The following VAT1L variants were observed in gnomAD, a reference collection of about 807,000 sequenced individuals.
VAT1L encodes putative NADPH-dependent quinone oxidoreductase VAT1L.
VAT1L carries 34 observed loss-of-function variants against 44.1 expected under a neutral mutation model. That is an observed-to-expected ratio of 0.77 (90% CI 0.59 to 1.03). The LOEUF (loss-of-function observed/expected upper bound fraction) is 1.03, where lower values mean the gene tolerates loss of function less well. Among genes scored for constraint, VAT1L ranks in the 50% least tolerant of loss-of-function variants. VAT1L has a pLI of 0.00. For synonymous variants in VAT1L, 253 were observed against 202.2 expected (o/e 1.25, Z -2.13); for missense variants, 615 against 538.8 (o/e 1.14, Z -1.40).
At chr16:77,818,179 C>G (rs2016388075) in intron 2 of VAT1L, among the ~76,000 whole-genome samples, 1 of 152,106 alleles carries the variant, frequency 6.6e-6, no homozygotes, top group African/African-American at 2.4e-5. Flanking sequence ...AAAGAAGAAT[C>G]CTATAAAATG....
chr16:77,904,507 G>A (rs2017419935), intron 7 of VAT1L, among the ~76,000 whole-genome samples: 1 of 152,074 alleles, frequency 6.6e-6, no homozygotes, highest in African/African-American at 2.4e-5. Flanking sequence ...TCCTCACGCG[G>A]TCCCCACTCT....
chr16:77,978,724 T>A lies in VAT1L; in HGVS notation c.*1029T>A, dbSNP rs1422775952. On this transcript the variant is annotated 3_prime_UTR_variant, in exon 9 of 9. Coordinates refer to ENST00000302536, the MANE Select transcript of VAT1L (RefSeq NM_020927.3). ...TTTATATTCAGCATCTGATGTCAGA[T>A]GTACAGTTCCTCCCCTCCCATATAT... 2 of 152,200 alleles carry A rather than the reference T, an allele frequency of 1.3e-5. No homozygotes were observed. The highest frequency in any genetic ancestry group is 1.9e-4 in the East Asian group (1 of 5,198). 9.4% of individuals were successfully genotyped at this position (152,200 alleles called of 1,614,324 possible). A position where few individuals can be genotyped will look rare whatever the true frequency, so the allele number is the denominator to read the frequency against.
intron 4 of VAT1L, among the ~76,000 whole-genome samples, chr16:77,874,839 TAAAA>T (rs769810512): frequency 9.1e-5 from 8 of 87,708 alleles, no homozygotes; most frequent in African/African-American, 1.6e-4. Flanking sequence ...AATTAATTTG[TAAAA>T]AAAAAAAAAA....
intron 3 of VAT1L, 99 bp from the exon 4 acceptor site, chr16:77,862,646 AAGT>A: frequency 9.2e-7 from 1 of 1,084,346 alleles, no homozygotes; most frequent in Non-Finnish European, 1.3e-6. Context: ...AAAAAAAAAA[AAGT>A]CAATAGTGCC....
At position 77,978,965 on chromosome 16, in the gene VAT1L, CACAA is replaced by C. The variant is rs1427229721; in HGVS notation, c.*1276_*1279del. On this transcript the variant is annotated 3_prime_UTR_variant, in exon 9 of 9. Transcript: ENST00000302536. The stretch of plus-strand genomic sequence containing the variant: ...TTGGCTAAAATGCTTAACTATCACT[CACAA>C]ACAAATGTGGAGATACCAGGAGCTC... The C allele has an allele frequency of 6.6e-6, 1 of 152,198 alleles. No homozygotes were observed. The highest frequency in any genetic ancestry group is 2.4e-5 in the African/African-American group (1 of 41,446). 9.4% of individuals were successfully genotyped at this position (152,198 alleles called of 1,614,324 possible).
Position 77,788,587 on chromosome 16 carries a change from T to G in VAT1L, c.-96T>G. On this transcript the variant is annotated 5_prime_UTR_variant, in exon 1 of 9. Transcript: ENST00000302536. ...CCATTGCACAGCCGAGCATCCCACA[T>G]TCAACAGGAGGAACCCGCGGGAGAG... The G allele has an allele frequency of 1.4e-6, 2 of 1,398,362 alleles. No individual in the cohort carries two copies. Among genetic ancestry groups the G allele is most frequent in the South Asian group, 1.3e-5 (1 of 76,696 alleles). 86.6% of individuals were successfully genotyped at this position (1,398,362 alleles called of 1,614,324 possible).
chr16:77,819,089 C>T (rs377197272), intron 2 of VAT1L, among the ~76,000 whole-genome samples: 47 of 152,048 alleles, frequency 3.1e-4, no homozygotes, highest in South Asian at 1.0e-3. Context: ...TGGAGCTGAA[C>T]CTATGGCTTG....
chr16:77,788,985 C>A, intron 1 of VAT1L, 70 bp downstream of exon 1: 1 of 1,421,084 alleles, frequency 7.0e-7, no homozygotes, highest in Non-Finnish European at 9.2e-7. Flanking sequence ...GGTGGGAAAG[C>A]TGCGGCTGGG....
chr16:77,852,274 A>T (rs2016815785), intron 3 of VAT1L, among the ~76,000 whole-genome samples: 1 of 152,006 alleles, frequency 6.6e-6, no homozygotes, highest in South Asian at 2.1e-4. Context: ...TCATGGAGCC[A>T]CCTCCTAGGA....
intron 1 of VAT1L, among the ~76,000 whole-genome samples, chr16:77,814,413 G>C (rs1160818234): frequency 6.6e-6 from 1 of 152,192 alleles, no homozygotes; most frequent in Admixed American, 6.5e-5. Context: ...GGTGCTACAG[G>C]CTTTTGAAAA....
chr16:77,789,458 G>C (rs1469768127), intron 1 of VAT1L, among the ~76,000 whole-genome samples: 1 of 152,278 alleles, frequency 6.6e-6, no homozygotes, highest in East Asian at 1.9e-4. Flanking sequence ...TAAGTGGCTT[G>C]GCCGGGAATT....
chr16:77,975,071 C>T (rs1055610209), intron 8 of VAT1L, among the ~76,000 whole-genome samples: 11 of 151,960 alleles, frequency 7.2e-5, no homozygotes, highest in Non-Finnish European at 1.6e-4. Flanking sequence ...AGGGTTAGCA[C>T]CTGACAGAAG....
intron 7 of VAT1L, among the ~76,000 whole-genome samples, chr16:77,955,694 C>T (rs925573283): frequency 6.7e-6 from 1 of 149,112 alleles, no homozygotes; most frequent in Non-Finnish European, 1.5e-5. Context: ...CACTACACTC[C>T]GGCCTGGGTG....
chr16:77,942,956 G>T (rs928403285), intron 7 of VAT1L, among the ~76,000 whole-genome samples: 1 of 151,614 alleles, frequency 6.6e-6, no homozygotes, highest in Middle Eastern at 3.4e-3. Flanking sequence ...TGTTGTTCAG[G>T]CTGGTTTCAA....
At chr16:77,808,979 C>T (rs924351484) in intron 1 of VAT1L, among the ~76,000 whole-genome samples, 2 of 152,154 alleles carry the variant, frequency 1.3e-5, no homozygotes, top group Admixed American at 6.5e-5. Flanking sequence ...TAGTATACGG[C>T]ATAGTATACA....
At chr16:77,870,479 C>T (rs2017019998) in intron 4 of VAT1L, among the ~76,000 whole-genome samples, 2 of 152,174 alleles carry the variant, frequency 1.3e-5, no homozygotes, top group Non-Finnish European at 2.9e-5. Context: ...CTGTTGGAAC[C>T]TACTGCCACT....
rs145766825 is a variant in VAT1L, at chr16:77,938,545, T to A, written c.1078-33305T>A. Among the ~76,000 whole-genome samples the A allele has an allele frequency of 2.6e-3, 392 of 152,178 alleles. 2 individuals are homozygous for A. Among genetic ancestry groups the A allele is most frequent in the African/African-American group, 8.7e-3 (363 of 41,504 alleles). On this transcript the variant is annotated intron_variant, in intron 7 of 8. Coordinates refer to ENST00000302536, the MANE Select transcript of VAT1L (RefSeq NM_020927.3). ...TACTGTACAGCGAGTTCTCATGAGA[T>A]CTGGTTGTTTAAAAGTGTGTGGCAC...
intron 2 of VAT1L, among the ~76,000 whole-genome samples, chr16:77,818,284 A>G (rs2016389807): frequency 6.6e-6 from 1 of 152,232 alleles, no homozygotes; most frequent in South Asian, 2.1e-4. Flanking sequence ...AATATGCTCC[A>G]AATTCATTAT....
At chr16:77,881,895 A>G in intron 6 of VAT1L, among the ~76,000 whole-genome samples, 1 of 152,250 alleles carries the variant, frequency 6.6e-6, no homozygotes, top group East Asian at 1.9e-4. Flanking sequence ...TACAATTGTA[A>G]GAAGTGTTTT....
Sources: allele counts gnomAD v4.1 joint callset (sites outside exome capture counted in the v4.1 genomes callset), GRCh38; gene constraint gnomAD v4.1.1; transcripts MANE v1.5; gene names NCBI Gene and HGNC (gene_info 2026-07-23, HGNC 2026-07-21).